Variants in PCDHGA3 observed in about 807,000 individuals in gnomAD.
The protein encoded by PCDHGA3 is protocadherin gamma-A3.
PCDHGA3 carries 40 observed loss-of-function variants against 58.5 expected under a neutral mutation model. The ratio of observed to expected loss-of-function variants is 0.68; its 90% CI spans 0.53 to 0.89. The LOEUF is 0.89. Among genes scored for constraint, PCDHGA3 ranks in the 40% least tolerant of loss-of-function variants. The pLI is 0.00. For missense variants in PCDHGA3, 1,223 were observed against 1,195.9 expected (o/e 1.02, Z -0.33); for synonymous variants, 530 against 525.7 (o/e 1.01, Z -0.11).
intron 1 of PCDHGA3, chr5:141,399,754 A>G: frequency 6.2e-7 from 1 of 1,613,326 alleles, no homozygotes; most frequent in Non-Finnish European, 8.5e-7. Flanking sequence ...CGCAAACGTG[A>G]GCCTGCGCGT....
chr5:141,489,962 C>A lies in PCDHGA3; in HGVS notation c.2425-4845C>A. The A allele has an allele frequency of 6.2e-7, 1 of 1,614,184 alleles. No individual in the cohort carries two copies. The highest frequency in any genetic ancestry group is 8.5e-7 in the Non-Finnish European group (1 of 1,180,008). ...CTGGACATCAATGATAATGCTCCAA[C>A]CTTCCAATCCTCAGTTCTACGTGTG... is the stretch of plus-strand genomic sequence containing the variant. On this transcript the variant is annotated intron_variant, in intron 1 of 3. Transcript: ENST00000253812. This position sits in a 1 kb window ranked among gnomAD's most constrained non-coding sequence, Gnocchi z 4.5.
chr5:141,431,090 G>C lies in PCDHGA3; in HGVS notation c.2425-63717G>C. On this transcript the variant is annotated intron_variant, in intron 1 of 3. Transcript: ENST00000253812. The surrounding 1 kb of genome is among the most constrained non-coding windows in gnomAD (Gnocchi z 4.8). ...TCAATTAAATCTAGACATTCTGATG[G>C]AGGATAAAGTGAAAATATATGGAGT... is the stretch of plus-strand genomic sequence containing the variant. 6.2e-7 allele frequency: 1 copy of C among 1,614,246 alleles called. No homozygotes were observed. The highest frequency in any genetic ancestry group is 8.5e-7 in the Non-Finnish European group (1 of 1,180,032).
rs1199297645 is a variant in PCDHGA3, at chr5:141,346,278, T to C, written c.2245T>C (p.Phe749Leu). ...TGTGGGCGCGGACGGGGTTCGGGCTTTCCTGCAGACCTATTCCCACGAGGT... is the reference window on the plus strand; with the variant it reads ...TGTGGGCGCGGACGGGGTTCGGGCTCTCCTGCAGACCTATTCCCACGAGGT... Reference protein sequence around the residue: ...HFVGADGVRAFLQTYSHEVSL... With the variant: ...HFVGADGVRALLQTYSHEVSL... The change falls in exon 1 of 4, where the codon TTC becomes CTC. Residue 749 changes from phenylalanine (F) to leucine (L), a missense_variant. By Grantham distance (22) the Phe-to-Leu change is conservative (BLOSUM62 0). This residue lies in a region of PCDHGA3 where 325 missense variants were observed against 327.5 expected (regional missense o/e 0.99). Coordinates refer to ENST00000253812, the MANE Select transcript of PCDHGA3 (RefSeq NM_018916.4). 6.2e-7 allele frequency: 1 copy of C among 1,614,198 alleles called. No homozygotes were observed. The highest frequency in any genetic ancestry group is 1.1e-5 in the South Asian group (1 of 91,086).
intron 1 of PCDHGA3, chr5:141,478,342 G>T (rs1489278202): frequency 6.2e-7 from 1 of 1,613,862 alleles, no homozygotes; most frequent in Non-Finnish European, 8.5e-7. Flanking sequence ...GGCCCTCCTT[G>T]CACGCGGACG....
At position 141,412,100 on chromosome 5, in the gene PCDHGA3, C is replaced by T. The variant is rs1041242156; in HGVS notation, c.2424+65643C>T. On this transcript the variant is annotated intron_variant, in intron 1 of 3. Coordinates refer to ENST00000253812, the MANE Select transcript of PCDHGA3 (RefSeq NM_018916.4). ...TTGCTACTGGGTTGATGGGCACACA[C>T]AGTTGAAGATATGTGAACCACTGGA... The T allele has an allele frequency of 2.0e-5, 3 of 152,180 alleles. No homozygotes were observed. In the South Asian group the frequency reaches 6.2e-4, roughly 31 times the overall value. 9.4% of individuals were successfully genotyped at this position (152,180 alleles called of 1,614,324 possible).
chr5:141,477,710 GA>G lies in PCDHGA3; in HGVS notation c.2425-17095del. ...GCCCCTAGACTATGAGGATCGGCGG[GA>G]ATTTGAATTAACAGCTCATATCAGC... On this transcript the variant is annotated intron_variant, in intron 1 of 3. Coordinates refer to ENST00000253812, the MANE Select transcript of PCDHGA3 (RefSeq NM_018916.4). This position sits in a 1 kb window ranked among gnomAD's most constrained non-coding sequence, Gnocchi z 4.9. 2 of 1,613,918 alleles carry G rather than the reference GA, an allele frequency of 1.2e-6. No individual in the cohort carries two copies. Among genetic ancestry groups the G allele is most frequent in the Non-Finnish European group, 1.7e-6 (2 of 1,180,044 alleles).
chr5:141,434,894 C>T (rs1316284716), intron 1 of PCDHGA3, among the ~76,000 whole-genome samples: 1 of 143,118 alleles, frequency 7.0e-6, no homozygotes, highest in East Asian at 2.1e-4. Flanking sequence ...AATCCAGTCC[C>T]CTTCCCTCAT....
rs999463482 is a variant in PCDHGA3, at chr5:141,506,400, T to C, written c.2572+919T>C. ...GGAGGTGGCTGTGGTGAGCAGAAAATCGCACCACTGCACTCCAGCCTGGGC... is the reference window on the plus strand; with the variant it reads ...GGAGGTGGCTGTGGTGAGCAGAAAACCGCACCACTGCACTCCAGCCTGGGC... On this transcript the variant is annotated intron_variant, in intron 3 of 3. Coordinates refer to ENST00000253812, the MANE Select transcript of PCDHGA3 (RefSeq NM_018916.4). 1.2e-4 allele frequency among the ~76,000 whole-genome samples: 16 copies of C among 135,754 alleles called. No homozygotes were observed. In the Admixed American group the frequency reaches 1.3e-3, roughly 11 times the overall value. The allele number at this position is 135,754 out of a possible 152,430, so 89.1% of individuals were successfully genotyped here.
At position 141,447,890 on chromosome 5, in the gene PCDHGA3, A is replaced by AC. The variant is rs1252174829; in HGVS notation, c.2425-46917_2425-46916insC. On this transcript the variant is annotated intron_variant, in intron 1 of 3. Transcript: ENST00000253812. ...CATCTGAGGTCAGGAGTTCGAGACCAGCCTGGCCAACATGGTGAAACTCTG... is the reference window on the plus strand; with the variant it reads ...CATCTGAGGTCAGGAGTTCGAGACCACGCCTGGCCAACATGGTGAAACTCTG... 1.3e-5 allele frequency among the ~76,000 whole-genome samples: 2 copies of AC among 152,146 alleles called. 1 individual carries two copies. The highest frequency in any genetic ancestry group is 4.8e-5 in the African/African-American group (2 of 41,434).
At chr5:141,407,964 C>G in intron 1 of PCDHGA3, 1 of 683,628 alleles carries the variant, frequency 1.5e-6, no homozygotes, top group Non-Finnish European at 2.3e-6. Context: ...GCAGAGCAAG[C>G]GCTGACGCCG....
intron 1 of PCDHGA3, among the ~76,000 whole-genome samples, chr5:141,457,745 G>T (rs1039982528): frequency 6.6e-6 from 1 of 152,232 alleles, no homozygotes; most frequent in Non-Finnish European, 1.5e-5. Flanking sequence ...TTTTAAAGCT[G>T]AGCCCAGACA....
chr5:141,350,574 C>T (rs369499342), intron 1 of PCDHGA3: 1 of 1,614,004 alleles, frequency 6.2e-7, no homozygotes, highest in Non-Finnish European at 8.5e-7. Flanking sequence ...GAATTCGAAA[C>T]GGTCGCTGAA....
intron 1 of PCDHGA3, chr5:141,365,046 C>G (rs753242901): frequency 6.2e-7 from 1 of 1,613,884 alleles, no homozygotes; most frequent in South Asian, 1.1e-5. Flanking sequence ...AACGACAATG[C>G]GCCCCTGTTC....
rs1353509218 is a variant in PCDHGA3, at chr5:141,512,908, TTTATACTC to T, written c.*1737_*1744del. ...CCCTCTTCCTGTGTCTCACGCAAGTTTTATACTCTAATATTTATATGGCTTTTTTTCTT... is the reference window on the plus strand; with the variant it reads ...CCCTCTTCCTGTGTCTCACGCAAGTTTAATATTTATATGGCTTTTTTTCTT... On this transcript the variant is annotated 3_prime_UTR_variant, in exon 4 of 4. Transcript: ENST00000253812. 6.6e-6 allele frequency: 1 copy of T among 152,268 alleles called. No individual in the cohort carries two copies. Among genetic ancestry groups the T allele is most frequent in the Non-Finnish European group, 1.5e-5 (1 of 68,054 alleles). 9.4% of individuals were successfully genotyped at this position (152,268 alleles called of 1,614,324 possible).
chr5:141,387,634 G>A, intron 1 of PCDHGA3: 3 of 589,412 alleles, frequency 5.1e-6, no homozygotes, highest in South Asian at 2.4e-5. Flanking sequence ...TCTGGGCGCC[G>A]CTGTTGGCCA....
intron 1 of PCDHGA3, among the ~76,000 whole-genome samples, chr5:141,348,109 T>C (rs1451783142): frequency 2.0e-5 from 3 of 152,242 alleles, no homozygotes; most frequent in Admixed American, 6.5e-5. Flanking sequence ...ATTCTGCAAT[T>C]TATGAAATTA....
In PCDHGA3 at chr5:141,422,440, T is replaced by G. The variant is rs1028472076; in HGVS notation, c.2425-72367T>G. 11 of 1,610,116 alleles carry G rather than the reference T, an allele frequency of 6.8e-6. No homozygotes were observed. The highest frequency in any genetic ancestry group is 2.7e-5 in the African/African-American group (2 of 74,560). On this transcript the variant is annotated intron_variant, in intron 1 of 3. Transcript: ENST00000253812. ...AAAGACTTATGGAAATTATTACAAATTGATAACAAGCAGAGTGCTGGACAG... is the reference window on the plus strand; with the variant it reads ...AAAGACTTATGGAAATTATTACAAAGTGATAACAAGCAGAGTGCTGGACAG...
intron 1 of PCDHGA3, chr5:141,417,091 A>G (rs1345871347): frequency 6.6e-6 from 1 of 152,194 alleles, no homozygotes; most frequent in Non-Finnish European, 1.5e-5. Flanking sequence ...TTTTGATTAT[A>G]ATTATTTAAA....
At chr5:141,349,226 T>C (rs756786542) in intron 1 of PCDHGA3, among the ~76,000 whole-genome samples, 7 of 121,428 alleles carry the variant, frequency 5.8e-5, no homozygotes, top group Non-Finnish European at 9.7e-5. Flanking sequence ...CCCGCCACCA[T>C]GCCTGGATAA....
Sources: allele counts gnomAD v4.1 joint callset (sites outside exome capture counted in the v4.1 genomes callset), GRCh38; gene constraint gnomAD v4.1.1; regional missense constraint gnomAD v4.1.1; non-coding constraint Gnocchi (gnomAD v3.1); transcripts MANE v1.5; gene names NCBI Gene and HGNC (gene_info 2026-07-23, HGNC 2026-07-21).